TENM3: variants seen among roughly 807,000 people sequenced by gnomAD.
The protein encoded by TENM3 is teneurin-3.
Under a neutral mutation model 255.1 loss-of-function variants are expected in TENM3, and 63 were observed. That is an observed-to-expected ratio of 0.25 (90% CI 0.20 to 0.30). TENM3 has a LOEUF of 0.30. Among genes scored for constraint, TENM3 ranks in the 10% least tolerant of loss-of-function variants. TENM3 has a pLI of 1.00. For synonymous variants in TENM3, 1,306 were observed against 1,322.3 expected (o/e 0.99, Z 0.27); for missense variants, 2,929 against 3,461.1 (o/e 0.85, Z 3.86).
chr4:182,731,806 G>T (rs1334126557), intron 16 of TENM3, among the ~76,000 whole-genome samples: 13 of 149,280 alleles, frequency 8.7e-5, no homozygotes, highest in African/African-American at 3.2e-4. Flanking sequence ...TTTTGAGACG[G>T]AGTCTCGCTC....
chr4:181,538,251 C>T, the TENM3 span, among the ~76,000 whole-genome samples: 11 of 152,250 alleles, frequency 7.2e-5, no homozygotes, highest in South Asian at 4.1e-4. Context: ...TCTCACAATA[C>T]GATCGGTACT....
chr4:182,474,600 C>T (rs554056429), intron 3 of TENM3, among the ~76,000 whole-genome samples: 24 of 152,136 alleles, frequency 1.6e-4, no homozygotes, highest in Non-Finnish European at 2.6e-4. Context: ...CCCAAACATC[C>T]TTTTTAAGCC....
At chr4:181,577,435 A>G in the TENM3 span, among the ~76,000 whole-genome samples, 1 of 151,862 alleles carries the variant, frequency 6.6e-6, no homozygotes, top group Non-Finnish European at 1.5e-5. Context: ...ATGCATTCTG[A>G]TCAGAACCTT....
intron 1 of TENM3, among the ~76,000 whole-genome samples, chr4:182,163,463 C>A (rs903631143): frequency 1.3e-5 from 2 of 152,172 alleles, no homozygotes; most frequent in Non-Finnish European, 2.9e-5. Flanking sequence ...GCGAGTCTTC[C>A]CACTTTCTGT....
intron 1 of TENM3, among the ~76,000 whole-genome samples, chr4:182,207,060 T>G (rs1647231048): frequency 6.6e-6 from 1 of 152,192 alleles, no homozygotes; most frequent in South Asian, 2.1e-4. Flanking sequence ...AGTTGTTAAG[T>G]ACTTATTACA....
chr4:181,651,169 T>C, the TENM3 span, among the ~76,000 whole-genome samples: 1 of 152,240 alleles, frequency 6.6e-6, no homozygotes, highest in Non-Finnish European at 1.5e-5. Flanking sequence ...TTGATGGTAC[T>C]AATTTAACAA....
chr4:182,432,523 A>T (rs1339824033), intron 3 of TENM3, among the ~76,000 whole-genome samples: 1 of 152,226 alleles, frequency 6.6e-6, no homozygotes, highest in Non-Finnish European at 1.5e-5. Context: ...TGCTGTGATA[A>T]TTATGTTTTC....
At chr4:182,043,896 C>T in the TENM3 span, among the ~76,000 whole-genome samples, 4 of 152,302 alleles carry the variant, frequency 2.6e-5, no homozygotes, top group African/African-American at 9.6e-5. Flanking sequence ...AATAAAAACA[C>T]GCCATCCTCC....
chr4:181,760,097 A>G, the TENM3 span, among the ~76,000 whole-genome samples: 75 of 152,248 alleles, frequency 4.9e-4, 1 homozygote, highest in Non-Finnish European at 8.5e-4. Flanking sequence ...TGATGAAACA[A>G]ACTTTAACAA....
At chr4:181,568,380 C>G in the TENM3 span, among the ~76,000 whole-genome samples, 5 of 151,934 alleles carry the variant, frequency 3.3e-5, no homozygotes, top group Non-Finnish European at 7.4e-5. Flanking sequence ...TTAGTAGAGA[C>G]AGGGTCTCAC....
the TENM3 span, among the ~76,000 whole-genome samples, chr4:181,966,531 T>C: frequency 6.6e-6 from 1 of 152,180 alleles, no homozygotes; most frequent in African/African-American, 2.4e-5. Context: ...ACTTGGTGTC[T>C]TCTGTCTTCC....
intron 1 of TENM3, among the ~76,000 whole-genome samples, chr4:182,205,436 G>A (rs1014980040): frequency 2.8e-4 from 42 of 152,150 alleles, no homozygotes; most frequent in African/African-American, 9.7e-4. Context: ...CCTCTGACAC[G>A]CCCCTCTCCC....
the TENM3 span, among the ~76,000 whole-genome samples, chr4:182,056,303 C>T: frequency 2.6e-5 from 4 of 152,158 alleles, no homozygotes; most frequent in Admixed American, 2.6e-4. Context: ...CATTATGTCA[C>T]GTTCCAATTT....
At chr4:181,531,789 T>A in the TENM3 span, among the ~76,000 whole-genome samples, 2 of 151,852 alleles carry the variant, frequency 1.3e-5, no homozygotes, top group African/African-American at 4.8e-5. Context: ...GGAAAGGGAG[T>A]GTGCAGAAGG....
chr4:182,462,438 C>T (rs960458845), intron 3 of TENM3, among the ~76,000 whole-genome samples: 3 of 151,284 alleles, frequency 2.0e-5, no homozygotes, highest in Admixed American at 6.6e-5. Flanking sequence ...ATGGTAAATC[C>T]CAGGTCAGAG....
the TENM3 span, among the ~76,000 whole-genome samples, chr4:181,982,391 G>T: frequency 1.3e-5 from 2 of 152,140 alleles, no homozygotes; most frequent in Non-Finnish European, 2.9e-5. Flanking sequence ...GCCTTTGGGA[G>T]GCGGATGTAC....
chr4:182,132,461 G>A, the TENM3 span, among the ~76,000 whole-genome samples: 4 of 152,070 alleles, frequency 2.6e-5, no homozygotes, highest in African/African-American at 4.8e-5. Context: ...CACTGCCACA[G>A]CCTGGGCAAC....
intron 1 of TENM3, 80 bp from the exon 2 acceptor site, chr4:182,323,866 C>T (rs1763218686): frequency 3.2e-6 from 2 of 621,140 alleles, no homozygotes; most frequent in Non-Finnish European, 5.7e-6. Context: ...TTCCTACCAT[C>T]CCAGATTGAG....
the TENM3 span, chr4:181,906,014 T>C: frequency 1.5e-5 from 7 of 467,900 alleles, no homozygotes; most frequent in Non-Finnish European, 2.5e-5. Flanking sequence ...TCATTATATC[T>C]CGTAACAGTG....
Sources: gnomAD v4.1 joint callset for allele counts (sites outside exome capture counted in the v4.1 genomes callset) on GRCh38, gnomAD v4.1.1 for gene constraint, MANE v1.5 for transcripts, NCBI Gene and HGNC (gene_info 2026-07-23, HGNC 2026-07-21) for gene names.